PDCD6IP: variants seen among roughly 807,000 people sequenced by gnomAD.
PDCD6IP encodes programmed cell death 6-interacting protein.
A neutral mutation model predicts 103.7 loss-of-function variants in PDCD6IP; 43 were observed. The ratio of observed to expected loss-of-function variants is 0.41; its 90% CI spans 0.32 to 0.53. The LOEUF (loss-of-function observed/expected upper bound fraction) is 0.53. Ranked by LOEUF, PDCD6IP falls within the 20% of genes least tolerant of loss-of-function variation. The pLI is 0.16. For synonymous variants in PDCD6IP, 354 were observed against 378.7 expected (o/e 0.93, Z 0.76); for missense variants, 871 against 1,036.7 (o/e 0.84, Z 2.20).
At position 33,852,534 on chromosome 3, in the gene PDCD6IP, A is replaced by G. The variant is rs751049961; in HGVS notation, c.1688A>G (p.Lys563Arg). Reference protein sequence around the residue: ...KSLLSNLDEVKKEREGLENDL... With the variant: ...KSLLSNLDEVRKEREGLENDL... ...TTATTGTCAAATCTTGATGAAGTAAAGAAGGAAAGAGAGGGTCTGGAGAAT... is the reference window on the plus strand; with the variant it reads ...TTATTGTCAAATCTTGATGAAGTAAGGAAGGAAAGAGAGGGTCTGGAGAAT... The change falls in exon 13 of 18, where the codon AAG becomes AGG. Residue 563 changes from lysine (K) to arginine (R), a missense_variant. Transcript: ENST00000307296. 6.4e-7 allele frequency: 1 copy of G among 1,559,816 alleles called. No homozygotes were observed. Among genetic ancestry groups the G allele is most frequent in the Non-Finnish European group, 8.6e-7 (1 of 1,160,444 alleles).
chr3:33,848,842 C>T (rs932300523), intron 12 of PDCD6IP, among the ~76,000 whole-genome samples: 1 of 152,072 alleles, frequency 6.6e-6, no homozygotes, highest in African/African-American at 2.4e-5. Context: ...GTTCTGTGAG[C>T]TAAGAATGAG....
At chr3:33,821,848 T>C (rs967786034) in intron 3 of PDCD6IP, 107 bp from the exon 4 acceptor site, 5 of 1,076,082 alleles carry the variant, frequency 4.6e-6, no homozygotes, top group Non-Finnish European at 6.6e-6. Context: ...GAAACTTGTT[T>C]TTGTGAGAGT....
intron 11 of PDCD6IP, 38 bp from the exon 12 acceptor site, chr3:33,845,381 A>C (rs1215324061): frequency 2.6e-6 from 4 of 1,528,832 alleles, no homozygotes; most frequent in Non-Finnish European, 3.6e-6. Flanking sequence ...TGCTGTTAGA[A>C]TCACTTCTGT....
intron 9 of PDCD6IP, 90 bp downstream of exon 9, chr3:33,838,417 T>C (rs533061057): frequency 1.4e-4 from 170 of 1,193,682 alleles, no homozygotes; most frequent in Non-Finnish European, 2.0e-4. Flanking sequence ...TAGAGCTAAA[T>C]GTCAAGAGTA....
At chr3:33,829,024 T>G (rs1697190121) in intron 7 of PDCD6IP, 55 bp downstream of exon 7, 2 of 1,419,578 alleles carry the variant, frequency 1.4e-6, no homozygotes. Flanking sequence ...CTCTTTTTTT[T>G]CCTAGTGAGA....
intron 9 of PDCD6IP, among the ~76,000 whole-genome samples, chr3:33,839,536 C>CA (rs1378838833): frequency 6.6e-6 from 1 of 152,090 alleles, no homozygotes; most frequent in African/African-American, 2.4e-5. Flanking sequence ...TTAACTCTTT[C>CA]ACCTGTTAAT....
chr3:33,831,616 A>G (rs1697246701), intron 7 of PDCD6IP, among the ~76,000 whole-genome samples: 2 of 152,266 alleles, frequency 1.3e-5, no homozygotes, highest in Non-Finnish European at 2.9e-5. Flanking sequence ...AAATAGGTAT[A>G]TATAAGGTTA....
chr3:33,859,898 A>G (rs9854571), intron 15 of PDCD6IP, among the ~76,000 whole-genome samples: 16,597 of 152,220 alleles, frequency 0.11, 987 homozygotes, highest in African/African-American at 0.14. Flanking sequence ...TACATTGCAA[A>G]TAGCAGTAAA....
chr3:33,844,186 G>A lies in PDCD6IP; in HGVS notation c.1434G>A (p.Arg478=). The part of the protein sequence containing the change: ...LRAKFKERWQ[R]TPSNELYKPL... The stretch of plus-strand genomic sequence containing the variant: ...CAAAATTTAAGGAACGTTGGCAAAG[G>A]ACACCATCCAATGAACTGTATAAGC... The change falls in exon 11 of 18, where the codon AGG becomes AGA. Residue 478 remains arginine, a synonymous_variant. Coordinates refer to ENST00000307296, the MANE Select transcript of PDCD6IP (RefSeq NM_013374.6). 1.9e-6 allele frequency: 3 copies of A among 1,604,220 alleles called. No individual in the cohort carries two copies. The highest frequency in any genetic ancestry group is 8.5e-7 in the Non-Finnish European group (1 of 1,177,448).
chr3:33,819,507 G>T (rs1696940034), intron 3 of PDCD6IP, among the ~76,000 whole-genome samples: 1 of 152,162 alleles, frequency 6.6e-6, no homozygotes, highest in Non-Finnish European at 1.5e-5. Flanking sequence ...GTTTAATAAA[G>T]TAGGTTAGAG....
chr3:33,866,226 C>T (rs1054221204), intron 17 of PDCD6IP, 125 bp from the exon 18 acceptor site: 2 of 560,232 alleles, frequency 3.6e-6, no homozygotes, highest in Admixed American at 4.1e-5. Context: ...TTTTTCACTC[C>T]ACTGTTCTTT....
intron 3 of PDCD6IP, among the ~76,000 whole-genome samples, chr3:33,818,928 C>T (rs1267466817): frequency 6.6e-6 from 1 of 152,100 alleles, no homozygotes; most frequent in Non-Finnish European, 1.5e-5. Flanking sequence ...TTCTCTTTAT[C>T]TTTCATGTTT....
rs1286098962 is a variant in PDCD6IP, at chr3:33,864,007, G to A, written c.2122G>A (p.Asp708Asn). 2 of 1,608,400 alleles carry A rather than the reference G, an allele frequency of 1.2e-6. No homozygotes were observed. Among genetic ancestry groups the A allele is most frequent in the Middle Eastern group, 1.7e-4 (1 of 6,044 alleles). Residue 708 changes from aspartate (D) to asparagine (N), a missense_variant and splice_region_variant, in exon 16 of 18, where the codon GAC becomes AAC. By Grantham distance (23) the Asp-to-Asn change is conservative (BLOSUM62 1). Coordinates refer to ENST00000307296, the MANE Select transcript of PDCD6IP (RefSeq NM_013374.6). ...RKTERDELLK[D>N]LQQSIAREPS... Reference sequence around the variant, plus strand: ...TTTTAACACTCTGTCTTTGATAAGGGACTTGCAACAAAGCATTGCCAGAGA... The same window carrying A: ...TTTTAACACTCTGTCTTTGATAAGGAACTTGCAACAAAGCATTGCCAGAGA...
At chr3:33,856,518 T>G (rs1358828557) in intron 15 of PDCD6IP, among the ~76,000 whole-genome samples, 2 of 152,140 alleles carry the variant, frequency 1.3e-5, no homozygotes, top group African/African-American at 2.4e-5. Context: ...AAAACTGAAT[T>G]TCTCTCAGAA....
At chr3:33,823,371 A>T (rs906612685) in intron 4 of PDCD6IP, among the ~76,000 whole-genome samples, 3 of 152,226 alleles carry the variant, frequency 2.0e-5, no homozygotes, top group African/African-American at 7.2e-5. Flanking sequence ...AGGAAAATAT[A>T]CCGTAAGCAA....
chr3:33,829,332 T>C (rs1218193899), intron 7 of PDCD6IP, among the ~76,000 whole-genome samples: 1 of 152,148 alleles, frequency 6.6e-6, no homozygotes, highest in African/African-American at 2.4e-5. Context: ...TCAGTTCTCT[T>C]TTTTGGTCAT....
chr3:33,831,398 A>AT (rs1300924630), intron 7 of PDCD6IP, among the ~76,000 whole-genome samples: 1 of 152,064 alleles, frequency 6.6e-6, no homozygotes, highest in Non-Finnish European at 1.5e-5. Context: ...TATTAAGGAG[A>AT]TTGTCATTAT....
chr3:33,853,749 G>T (rs546652990), intron 13 of PDCD6IP, 130 bp from the exon 14 acceptor site: 1 of 812,888 alleles, frequency 1.2e-6, no homozygotes, highest in Non-Finnish European at 1.7e-6. Flanking sequence ...AGTGTACTAG[G>T]TATTCTAGTA....
intron 9 of PDCD6IP, among the ~76,000 whole-genome samples, chr3:33,838,927 T>A (rs1697411091): frequency 6.6e-6 from 1 of 151,956 alleles, no homozygotes; most frequent in Non-Finnish European, 1.5e-5. Flanking sequence ...TGCCTCAGCC[T>A]CCTGTGTAGC....
Sources: gnomAD v4.1 joint callset for allele counts (sites outside exome capture counted in the v4.1 genomes callset) on GRCh38, gnomAD v4.1.1 for gene constraint, MANE v1.5 for transcripts, NCBI Gene and HGNC (gene_info 2026-07-23, HGNC 2026-07-21) for gene names.